MLC1: variants seen among roughly 807,000 people sequenced by gnomAD.
MLC1 encodes modulator of VRAC current 1, also known as membrane protein MLC1.
In MLC1, 32 loss-of-function variants were observed where a neutral mutation model predicts 44.7. The ratio of observed to expected loss-of-function variants is 0.72; its 90% CI spans 0.54 to 0.96. MLC1 has a LOEUF of 0.96. Ranked by LOEUF, MLC1 falls within the 40% of genes least tolerant of loss-of-function variation. MLC1 has a pLI of 0.00. For synonymous variants in MLC1, 190 were observed against 213.0 expected, an observed-to-expected ratio of 0.89 and a Z score of 0.94; for missense variants, 459 against 492.2, an observed-to-expected ratio of 0.93 and a Z score of 0.64.
chr22:50,063,904 GGCTGGGCACCCCTGTGGGCCACTCACCT>G, intron 11 of MLC1, 102 bp downstream of exon 11: 1 of 303,752 alleles, frequency 3.3e-6, no homozygotes, highest in Non-Finnish European at 4.5e-6. Context: ...TCACCTCCCC[GGCTGGGCACCCCTGTGGGCCACTCACCT>G]CCCCAGCTTC....
Position 50,068,461 on chromosome 22 carries a change from A to G in MLC1, c.866T>C (p.Met289Thr), listed in dbSNP as rs1412119778. The change falls in exon 10 of 12, where the codon ATG becomes ACG. Residue 289 changes from methionine (M) to threonine (T), a missense_variant. Met to Thr is a moderately conservative substitution (Grantham distance 81). Coordinates refer to ENST00000311597, the MANE Select transcript of MLC1 (RefSeq NM_015166.4). ...TATGGCTGGCGGGTAATCCTTAAACATCTCCACGATTCTCATGATGCTGAA... is the reference window on the plus strand; with the variant it reads ...TATGGCTGGCGGGTAATCCTTAAACGTCTCCACGATTCTCATGATGCTGAA... ...LSFSIMRIVE[M>T]FKDYPPAIKP... 6.2e-7 allele frequency: 1 copy of G among 1,613,818 alleles called. No homozygotes were observed. The highest frequency in any genetic ancestry group is 2.2e-5 in the East Asian group (1 of 44,868).
At chr22:50,078,317 A>C (rs2062033426) in intron 5 of MLC1, among the ~76,000 whole-genome samples, 2 of 152,180 alleles carry the variant, frequency 1.3e-5, no homozygotes. Context: ...ACATTTAAAA[A>C]AGAAAGAGTG....
At position 50,061,572 on chromosome 22, in the gene MLC1, G is replaced by T. The variant is rs369175737; in HGVS notation, c.*11C>A. ...GGCTGGGCGCTGCCACCCGGTTTCC[G>T]CGTCTGGGGGTCACTGGGCCATTTG... On this transcript the variant is annotated 3_prime_UTR_variant, in exon 12 of 12. Coordinates refer to ENST00000311597, the MANE Select transcript of MLC1 (RefSeq NM_015166.4). 6.2e-7 allele frequency: 1 copy of T among 1,613,266 alleles called. No homozygotes were observed. The highest frequency in any genetic ancestry group is 1.1e-5 in the South Asian group (1 of 91,062).
chr22:50,070,094 C>T (rs2061812994), intron 9 of MLC1, among the ~76,000 whole-genome samples: 1 of 151,822 alleles, frequency 6.6e-6, no homozygotes, highest in South Asian at 2.1e-4. Flanking sequence ...CCCAGCTACT[C>T]AGGAGGCTGA....
At position 50,066,876 on chromosome 22, in the gene MLC1, A is replaced by C. The variant is rs565452914; in HGVS notation, c.894+1557T>G. On this transcript the variant is annotated intron_variant, in intron 10 of 11. Coordinates refer to ENST00000311597, the MANE Select transcript of MLC1 (RefSeq NM_015166.4). ...ATACCATTTTAAAAAGAAAAAAAGC[A>C]CCAAGCCCTAAAATGGAATACAACC... Among the ~76,000 whole-genome samples the C allele has an allele frequency of 2.7e-4, 41 of 151,956 alleles. 2 individuals are homozygous for C. In the South Asian group the frequency reaches 8.3e-3, roughly 31 times the overall value.
chr22:50,068,107 C>G (rs1414954114), intron 10 of MLC1, among the ~76,000 whole-genome samples: 7 of 152,232 alleles, frequency 4.6e-5, no homozygotes, highest in Admixed American at 1.3e-4. Flanking sequence ...ACCTGTTAAA[C>G]TCAATGCAGT....
chr22:50,068,655 A>G (rs1157787573), intron 9 of MLC1, 100 bp from the exon 10 acceptor site: 1 of 1,299,374 alleles, frequency 7.7e-7, no homozygotes, highest in Non-Finnish European at 1.1e-6. Flanking sequence ...CCGGGCACTC[A>G]TGGGCATAGT....
rs919348704 is a variant in MLC1, at chr22:50,072,526, G to T, written c.714+1690C>A. On this transcript the variant is annotated intron_variant, in intron 8 of 11. Coordinates refer to ENST00000311597, the MANE Select transcript of MLC1 (RefSeq NM_015166.4). ...GGGGGCAGCACCTGATGGGCAGGGG[G>T]TGCTCTCCGGGAAGATGGAGAGAGC... 2.0e-5 allele frequency among the ~76,000 whole-genome samples: 3 copies of T among 152,328 alleles called. No homozygotes were observed. The East Asian group carries it at 5.8e-4, about 29-fold the overall frequency.
intron 7 of MLC1, among the ~76,000 whole-genome samples, chr22:50,074,850 C>T (rs1027598290): frequency 4.6e-5 from 7 of 152,206 alleles, no homozygotes; most frequent in Admixed American, 4.6e-4. Flanking sequence ...ACGTTAGCAC[C>T]CCTTTTCTAG....
At chr22:50,081,873 C>G (rs910712897) in intron 3 of MLC1, among the ~76,000 whole-genome samples, 54 of 152,386 alleles carry the variant, frequency 3.5e-4, no homozygotes, top group African/African-American at 1.2e-3. Flanking sequence ...GCACAGCTCA[C>G]AGCTCCACTG....
At chr22:50,076,222 A>G (rs1310430539) in intron 7 of MLC1, among the ~76,000 whole-genome samples, 1 of 152,214 alleles carries the variant, frequency 6.6e-6, no homozygotes, top group East Asian at 1.9e-4. Flanking sequence ...TGCTTATAAC[A>G]ATTATACCAA....
intron 9 of MLC1, 71 bp downstream of exon 9, chr22:50,070,456 A>C: frequency 7.1e-7 from 1 of 1,403,166 alleles, no homozygotes. Context: ...CATGGCACCA[A>C]GGGAGGGCTA....
At position 50,084,917 on chromosome 22, in the gene MLC1, C is replaced by T. The variant is rs780551525; in HGVS notation, c.-15G>A. 1 of 1,609,632 alleles carries T rather than the reference C, an allele frequency of 6.2e-7. No individual in the cohort carries two copies. The highest frequency in any genetic ancestry group is 1.7e-5 in the Admixed American group (1 of 60,022). On this transcript the variant is annotated 5_prime_UTR_variant, in exon 2 of 12. It adds an upstream start codon to the 5' untranslated region. Transcript: ENST00000311597. ...TCCTGGGTCATGGCACTTGGGGACA[C>T]CACAGCTGTGCTGAATGTACAGCCA...
chr22:50,077,485 G>T lies in MLC1; in HGVS notation c.441C>A (p.Ile147=), dbSNP rs151085560. 3.1e-6 allele frequency: 5 copies of T among 1,613,652 alleles called. No individual in the cohort carries two copies. The highest frequency in any genetic ancestry group is 4.2e-6 in the Non-Finnish European group (5 of 1,179,986). ...TGAGCAGCTCCAGCAGGAGCAGCAG[G>T]ATGAGGTTGAAGTTGATCTGCCAAG... ...PSAININFNL[I]LLLLLELLMA... is the part of the protein sequence containing the mutation. Residue 147 remains isoleucine (I), a synonymous_variant, in exon 6 of 12, where the codon ATC becomes ATA. Coordinates refer to ENST00000311597, the MANE Select transcript of MLC1 (RefSeq NM_015166.4).
intron 10 of MLC1, among the ~76,000 whole-genome samples, chr22:50,067,366 GACA>G: frequency 3.0e-5 from 4 of 134,870 alleles, no homozygotes; most frequent in Non-Finnish European, 4.7e-5. Context: ...TCCCCCGTCA[GACA>G]GTGACTCCAT....
chr22:50,083,055 C>T lies in MLC1; in HGVS notation c.267+29G>A, dbSNP rs911102429. 1 of 1,608,510 alleles carries T rather than the reference C, an allele frequency of 6.2e-7. No individual in the cohort carries two copies. Among genetic ancestry groups the T allele is most frequent in the Non-Finnish European group, 8.5e-7 (1 of 1,175,202 alleles). ...GAGCACGTGCCGGCGAGCTTGGGCA[C>T]TGGCAGAGGCGTGGAGGAAGCTGCT... On this transcript the variant is annotated intron_variant, in intron 3 of 11. Transcript: ENST00000311597. The surrounding 1 kb of genome is among the most constrained non-coding windows in gnomAD (Gnocchi z 4.6).
In MLC1 at chr22:50,064,294, G is replaced by A. The variant is rs753868031; in HGVS notation, c.895-96C>T. 7.5e-6 allele frequency: 11 copies of A among 1,469,406 alleles called. No individual in the cohort carries two copies. In the African/African-American group the frequency reaches 8.4e-5, roughly 11 times the overall value. The allele number at this position is 1,469,406 out of a possible 1,614,324, so 91.0% of individuals were successfully genotyped here. A position where few individuals can be genotyped will look rare whatever the true frequency, so the allele number is the denominator to read the frequency against. ...TGCCCACGGCCTTCACAAAGAGCAG[G>A]TGCCAGGGCTCGAGTCGGAGCCCCA... On this transcript the variant is annotated intron_variant, in intron 10 of 11. Coordinates refer to ENST00000311597, the MANE Select transcript of MLC1 (RefSeq NM_015166.4).
chr22:50,079,758 T>C (rs562589227), intron 5 of MLC1, among the ~76,000 whole-genome samples, 160 bp downstream of exon 5: 14 of 152,296 alleles, frequency 9.2e-5, no homozygotes, highest in Admixed American at 3.9e-4. Flanking sequence ...ATAAAGACAA[T>C]TATTTTCTTT....
At chr22:50,069,338 T>C (rs373606223) in intron 9 of MLC1, among the ~76,000 whole-genome samples, 3 of 152,084 alleles carry the variant, frequency 2.0e-5, no homozygotes, top group African/African-American at 7.2e-5. Context: ...CACAGCACAG[T>C]GCCACAAGTT....
Sources: allele counts gnomAD v4.1 joint callset (sites outside exome capture counted in the v4.1 genomes callset), GRCh38; gene constraint gnomAD v4.1.1; non-coding constraint Gnocchi (gnomAD v3.1); transcripts MANE v1.5; gene names NCBI Gene and HGNC (gene_info 2026-07-23, HGNC 2026-07-21).